Variants in HS3ST4 observed in about 807,000 individuals in gnomAD.
HS3ST4 encodes heparan sulfate glucosamine 3-O-sulfotransferase 4.
A neutral mutation model predicts 29.2 loss-of-function variants in HS3ST4; 17 were observed. That is an observed-to-expected ratio of 0.58 (90% CI 0.40 to 0.87). The LOEUF is 0.87. Among genes scored for constraint, HS3ST4 ranks in the 40% least tolerant of loss-of-function variants. The pLI is 0.00. For missense variants in HS3ST4, 627 were observed against 634.5 expected (o/e 0.99, Z 0.13); for synonymous variants, 314 against 285.7 (o/e 1.10, Z -1.00).
chr16:25,723,437 A>T (rs1274659685), intron 1 of HS3ST4, among the ~76,000 whole-genome samples: 1 of 152,196 alleles, frequency 6.6e-6, no homozygotes, highest in Non-Finnish European at 1.5e-5. Flanking sequence ...CTAACATTGG[A>T]TGGTTATTTA....
chr16:26,112,804 A>G (rs559245835), intron 1 of HS3ST4, among the ~76,000 whole-genome samples: 46 of 152,168 alleles, frequency 3.0e-4, no homozygotes, highest in Admixed American at 6.5e-4. Context: ...AATTCAAATT[A>G]AAGCAATAGC....
At chr16:25,791,454 A>G (rs975220885) in intron 1 of HS3ST4, among the ~76,000 whole-genome samples, 16 of 152,140 alleles carry the variant, frequency 1.1e-4, no homozygotes, top group Non-Finnish European at 2.4e-4. Context: ...TTGGAATTAC[A>G]TCCAATTTGA....
rs1282767729 is a variant in HS3ST4 at position 25,703,916 on chromosome 16, T to C, written c.734+10765T>C. 2.6e-5 allele frequency among the ~76,000 whole-genome samples: 4 copies of C among 152,250 alleles called. No homozygotes were observed. The South Asian group carries it at 8.3e-4, about 31-fold the overall frequency. On this transcript the variant is annotated intron_variant, in intron 1 of 1. Coordinates refer to ENST00000331351, the MANE Select transcript of HS3ST4 (RefSeq NM_006040.3). ...ACTTCTTCCACTTCTGAGCTTGTTATGCTGTTTTATTTTCTCCAGCACATC... is the reference window on the plus strand; with the variant it reads ...ACTTCTTCCACTTCTGAGCTTGTTACGCTGTTTTATTTTCTCCAGCACATC...
At chr16:26,021,094 C>T (rs906635711) in intron 1 of HS3ST4, among the ~76,000 whole-genome samples, 7 of 152,076 alleles carry the variant, frequency 4.6e-5, no homozygotes, top group South Asian at 2.1e-4. Context: ...AAAACAGCCC[C>T]GAGTGAGGTA....
At position 25,964,196 on chromosome 16, in the gene HS3ST4, C is replaced by T. The variant is rs181354185; in HGVS notation, c.735-171416C>T. Among the ~76,000 whole-genome samples the T allele has an allele frequency of 2.0e-5, 3 of 150,866 alleles. No homozygotes were observed. The East Asian group carries it at 5.9e-4, about 30-fold the overall frequency. On this transcript the variant is annotated intron_variant, in intron 1 of 1. Coordinates refer to ENST00000331351, the MANE Select transcript of HS3ST4 (RefSeq NM_006040.3). ...ATCTCATAAAAAAAAAAAAAGGTCC[C>T]TAGAAATGGGAAAAATAGATACTGG...
intron 1 of HS3ST4, among the ~76,000 whole-genome samples, chr16:26,056,100 G>T (rs1318451269): frequency 6.6e-6 from 1 of 151,192 alleles, no homozygotes; most frequent in African/African-American, 2.4e-5. Context: ...AAGATTCATT[G>T]TTTTTCACAA....
chr16:25,782,895 C>G (rs1966853914), intron 1 of HS3ST4, among the ~76,000 whole-genome samples: 1 of 152,100 alleles, frequency 6.6e-6, no homozygotes, highest in African/African-American at 2.4e-5. Context: ...TTTAAAAAAT[C>G]CTTTTCATAG....
chr16:25,726,836 T>C (rs1275535127), intron 1 of HS3ST4, among the ~76,000 whole-genome samples: 1 of 152,222 alleles, frequency 6.6e-6, no homozygotes, highest in Non-Finnish European at 1.5e-5. Flanking sequence ...GTAGGTGACG[T>C]TTAGCATTGC....
At chr16:26,021,184 G>A (rs1163726182) in intron 1 of HS3ST4, among the ~76,000 whole-genome samples, 1 of 152,178 alleles carries the variant, frequency 6.6e-6, no homozygotes, top group Non-Finnish European at 1.5e-5. Context: ...AAATTTGTCT[G>A]GCAGATTTAT....
rs933533426 is a variant in HS3ST4, at chr16:25,857,597, C to A, written c.734+164446C>A. Among the ~76,000 whole-genome samples the A allele has an allele frequency of 2.6e-5, 4 of 152,168 alleles. No individual in the cohort carries two copies. In the East Asian group the frequency reaches 7.7e-4, roughly 29 times the overall value. Reference sequence around the variant, plus strand: ...TTTGTACAGGGATTCACAGAAAGAACTGAGACGCTTTCTAGCTTTTTAGTT... The same window carrying A: ...TTTGTACAGGGATTCACAGAAAGAAATGAGACGCTTTCTAGCTTTTTAGTT... On this transcript the variant is annotated intron_variant, in intron 1 of 1. Transcript: ENST00000331351.
intron 1 of HS3ST4, among the ~76,000 whole-genome samples, chr16:26,068,430 C>A (rs747511752): frequency 1.3e-5 from 2 of 152,088 alleles, no homozygotes; most frequent in Non-Finnish European, 2.9e-5. Flanking sequence ...ATATTCTAGC[C>A]TCATTTTACA....
intron 1 of HS3ST4, among the ~76,000 whole-genome samples, chr16:25,718,745 A>G (rs1048315203): frequency 6.6e-6 from 1 of 152,174 alleles, no homozygotes; most frequent in Non-Finnish European, 1.5e-5. Flanking sequence ...AGGCAGTGGG[A>G]TGCATGTACC....
chr16:26,078,235 G>C (rs1265039687), intron 1 of HS3ST4, among the ~76,000 whole-genome samples: 1 of 152,128 alleles, frequency 6.6e-6, no homozygotes, highest in Non-Finnish European at 1.5e-5. Flanking sequence ...CTGCCTCCCA[G>C]GTTCATGCCT....
chr16:25,702,924 C>T (rs1966344527), intron 1 of HS3ST4, among the ~76,000 whole-genome samples: 2 of 151,972 alleles, frequency 1.3e-5, no homozygotes, highest in African/African-American at 4.8e-5. Context: ...ACTTTGGGAG[C>T]CTGAGGCAGG....
chr16:25,755,990 T>A (rs1465372757), intron 1 of HS3ST4, among the ~76,000 whole-genome samples: 1 of 152,182 alleles, frequency 6.6e-6, no homozygotes, highest in Non-Finnish European at 1.5e-5. Flanking sequence ...ATCTGTCTGA[T>A]TCAAGAACAG....
At chr16:26,033,095 G>A (rs919880545) in intron 1 of HS3ST4, among the ~76,000 whole-genome samples, 2 of 152,184 alleles carry the variant, frequency 1.3e-5, no homozygotes, top group African/African-American at 4.8e-5. Context: ...AAGAACACAG[G>A]TGGCCGGGTG....
At chr16:25,806,581 G>A (rs145228354) in intron 1 of HS3ST4, among the ~76,000 whole-genome samples, 175 of 152,196 alleles carry the variant, frequency 1.1e-3, no homozygotes, top group African/African-American at 3.9e-3. Flanking sequence ...ATATTTTCTA[G>A]TGTGGAGTCT....
At chr16:25,973,058 A>G (rs1384585144) in intron 1 of HS3ST4, among the ~76,000 whole-genome samples, 1 of 152,226 alleles carries the variant, frequency 6.6e-6, no homozygotes, top group Non-Finnish European at 1.5e-5. Context: ...GTTCTTCCTC[A>G]AAGAGCTCCC....
At chr16:25,723,360 G>A (rs545255921) in intron 1 of HS3ST4, among the ~76,000 whole-genome samples, 2 of 152,308 alleles carry the variant, frequency 1.3e-5, no homozygotes, top group East Asian at 3.9e-4. Context: ...AGCTATGTAT[G>A]TTCCTTTAGC....
Sources: allele counts gnomAD v4.1 joint callset (sites outside exome capture counted in the v4.1 genomes callset), GRCh38; gene constraint gnomAD v4.1.1; transcripts MANE v1.5; gene names NCBI Gene and HGNC (gene_info 2026-07-23, HGNC 2026-07-21).